Variants in IL5RA observed in about 807,000 individuals in gnomAD.
IL5RA encodes interleukin 5 receptor subunit alpha, also known as interleukin-5 receptor subunit alpha.
A neutral mutation model predicts 50.0 loss-of-function variants in IL5RA; 49 were observed. That is an observed-to-expected ratio of 0.98 (90% confidence interval 0.78 to 1.24). The LOEUF (loss-of-function observed/expected upper bound fraction) is 1.24, where lower values mean the gene tolerates loss of function less well. Among genes scored for constraint, IL5RA ranks in the 50% most tolerant of loss-of-function variants. IL5RA has a pLI of 0.00. For missense variants in IL5RA, 600 were observed against 500.4 expected (o/e 1.20, Z -1.90); for synonymous variants, 202 against 174.0 (o/e 1.16, Z -1.26).
chr3:3,105,799 C>A, intron 2 of IL5RA, among the ~76,000 whole-genome samples: 1 of 152,278 alleles, frequency 6.6e-6, no homozygotes, highest in East Asian at 1.9e-4. Context: ...TCTCGGCATC[C>A]TGTTCTACAT....
At chr3:3,085,509 G>C (rs147033170) in intron 9 of IL5RA, among the ~76,000 whole-genome samples, 2 of 152,316 alleles carry the variant, frequency 1.3e-5, no homozygotes, top group African/African-American at 4.8e-5. Flanking sequence ...GTGGGAGTCA[G>C]AGTGCAAGGA....
chr3:3,098,775 T>C (rs1703487315), intron 5 of IL5RA, among the ~76,000 whole-genome samples: 1 of 152,166 alleles, frequency 6.6e-6, no homozygotes, highest in Non-Finnish European at 1.5e-5. Flanking sequence ...ATTAGAATTA[T>C]AAAGTCCCCA....
intron 9 of IL5RA, among the ~76,000 whole-genome samples, chr3:3,088,913 A>G (rs1702980064): frequency 6.6e-6 from 1 of 152,192 alleles, no homozygotes; most frequent in South Asian, 2.1e-4. Context: ...CTTCCACCTT[A>G]GGCATTTGAC....
rs139530354 is a variant in IL5RA at position 3,092,253 on chromosome 3, C to A, written c.965G>T (p.Trp322Leu). Residue 322 changes from tryptophan to leucine, a missense_variant, in exon 9 of 12, where the codon TGG becomes TTG. Physicochemically the swap from Trp to Leu is moderately conservative, Grantham distance 61. Coordinates refer to ENST00000446632, the MANE Select transcript of IL5RA (RefSeq NM_175726.4). The surrounding 1 kb of genome is among the most constrained non-coding windows in gnomAD (Gnocchi z 4.2). ...VSSMCREAGL[W>L]SEWSQPIYVG... ...ATAAATAGGTTGGCTCCACTCACTC[C>A]AGAGCCCTGCCTCTCTGCACATGGA... The A allele has an allele frequency of 2.3e-5, 37 of 1,614,010 alleles. No homozygotes were observed. Among genetic ancestry groups the A allele is most frequent in the Non-Finnish European group, 2.9e-5 (34 of 1,180,036 alleles).
chr3:3,101,733 A>G lies in IL5RA; in HGVS notation c.326T>C (p.Leu109Pro), dbSNP rs768428609. Reference sequence around the variant, plus strand: ...TTCAGCAGAAGCCCAGCTGCTGGCCAGTAGTGAGTGGTCGTTCTGCAGGAT... The same window carrying G: ...TTCAGCAGAAGCCCAGCTGCTGGCCGGTAGTGAGTGGTCGTTCTGCAGGAT... ...RTILQNDHSLLASSWASAELH... is the reference protein window; with the variant it reads ...RTILQNDHSLPASSWASAELH... The change falls in exon 5 of 12, where the codon CTG becomes CCG. Residue 109 changes from leucine to proline, a missense_variant. Physicochemically the swap from Leu to Pro is moderately conservative, Grantham distance 98 (BLOSUM62 -3). Coordinates refer to ENST00000446632, the MANE Select transcript of IL5RA (RefSeq NM_175726.4). The G allele has an allele frequency of 2.7e-5, 44 of 1,614,102 alleles. No homozygotes were observed. The highest frequency in any genetic ancestry group is 3.7e-5 in the Non-Finnish European group (44 of 1,180,030).
intron 3 of IL5RA, among the ~76,000 whole-genome samples, chr3:3,104,178 T>C (rs1559880255): frequency 1.3e-5 from 2 of 152,198 alleles, no homozygotes; most frequent in Non-Finnish European, 2.9e-5. Context: ...TAGCTGAGAT[T>C]ACAGGCATGT....
intron 5 of IL5RA, 48 bp downstream of exon 5, chr3:3,101,644 T>C (rs760524246): frequency 3.8e-6 from 6 of 1,577,970 alleles, no homozygotes; most frequent in African/African-American, 2.7e-5. Context: ...TTTTCCATAT[T>C]TGCAAAGTCC....
rs79635367 is a variant in IL5RA at position 3,087,636 on chromosome 3, T to TGGGG, written c.994+4584_994+4587dup. 3.7e-3 allele frequency among the ~76,000 whole-genome samples: 557 copies of TGGGG among 151,124 alleles called. 2 individuals are homozygous for TGGGG. Among genetic ancestry groups the TGGGG allele is most frequent in the East Asian group, 0.014 (73 of 5,116 alleles). The stretch of plus-strand genomic sequence containing the variant: ...CCTCCATTTTCTTACATTAAAATAA[T>TGGGG]GGGGGGGAAATTAATAACTATGAAA... On this transcript the variant is annotated intron_variant, in intron 9 of 11. Transcript: ENST00000446632.
chr3:3,086,671 A>T (rs1702874718), intron 9 of IL5RA, among the ~76,000 whole-genome samples: 4 of 131,614 alleles, frequency 3.0e-5, no homozygotes, highest in Admixed American at 2.8e-4. Flanking sequence ...CTCATCTCTT[A>T]AAAAAAAATT....
intron 9 of IL5RA, among the ~76,000 whole-genome samples, chr3:3,077,796 G>A (rs1702538510): frequency 6.6e-6 from 1 of 152,070 alleles, no homozygotes; most frequent in Non-Finnish European, 1.5e-5. Flanking sequence ...AAAAAGAAAA[G>A]AAAAACTCAA....
intron 2 of IL5RA, among the ~76,000 whole-genome samples, chr3:3,108,235 C>T (rs1704022440): frequency 6.6e-6 from 1 of 152,188 alleles, no homozygotes; most frequent in African/African-American, 2.4e-5. Context: ...TATTGCATTA[C>T]CCCCCAATGA....
chr3:3,098,224 C>A lies in IL5RA; in HGVS notation c.434G>T (p.Arg145Leu). 9.3e-6 allele frequency: 15 copies of A among 1,613,964 alleles called. No individual in the cohort carries two copies. Among genetic ancestry groups the A allele is most frequent in the Non-Finnish European group, 1.3e-5 (15 of 1,179,910 alleles). ...TTNTTEDNYSRLRSYQVSLHC... is the reference protein window; with the variant it reads ...TTNTTEDNYSLLRSYQVSLHC... ...AAGGGAAACTTGGTATGACCTTAAA[C>A]GTGAATAATTGTCTTCTGTAGTGTT... Residue 145 changes from arginine to leucine, a missense_variant, in exon 6 of 12, where the codon CGT (arginine) becomes CTT (leucine). Physicochemically the swap from Arg to Leu is moderately radical, Grantham distance 102. Coordinates refer to ENST00000446632, the MANE Select transcript of IL5RA (RefSeq NM_175726.4).
intron 2 of IL5RA, chr3:3,105,545 A>T (rs1703869529): frequency 6.6e-6 from 1 of 152,218 alleles, no homozygotes; most frequent in Non-Finnish European, 1.5e-5. Context: ...GCCTAAGAGA[A>T]ACTTTGTATC....
Position 3,101,753 on chromosome 3 carries a change from C to T in IL5RA, c.306G>A (p.Leu102=), listed in dbSNP as rs1703663419. ...TGGCCAGTAGTGAGTGGTCGTTCTGCAGGATGGTCCGCACACTTGCTGAAA... is the reference window on the plus strand; with the variant it reads ...TGGCCAGTAGTGAGTGGTCGTTCTGTAGGATGGTCCGCACACTTGCTGAAA... ...KGFSASVRTI[L]QNDHSLLASS... The change falls in exon 5 of 12, where the codon CTG becomes CTA. Residue 102 remains leucine, a synonymous_variant. Transcript: ENST00000446632. 3.7e-6 allele frequency: 6 copies of T among 1,614,076 alleles called. No homozygotes were observed.
chr3:3,096,817 C>A (rs925691873), intron 7 of IL5RA, among the ~76,000 whole-genome samples: 3 of 152,184 alleles, frequency 2.0e-5, no homozygotes, highest in Non-Finnish European at 4.4e-5. Context: ...AGATATGTCA[C>A]AGCCAAATCA....
intron 9 of IL5RA, among the ~76,000 whole-genome samples, chr3:3,090,660 G>A (rs17878435): frequency 0.019 from 2,716 of 146,388 alleles, 55 homozygotes; most frequent in Middle Eastern, 0.087. Flanking sequence ...TCCGCCTCCC[G>A]GGTTCACGCC....
chr3:3,076,062 G>C (rs1453365978), intron 10 of IL5RA, among the ~76,000 whole-genome samples: 1 of 152,144 alleles, frequency 6.6e-6, no homozygotes, highest in Admixed American at 6.5e-5. Flanking sequence ...GCGATTTCTA[G>C]AATCCGTGTT....
chr3:3,095,444 T>C lies in IL5RA; in HGVS notation c.710A>G (p.Asp237Gly). ...FDQLFALHAIDQINPPLNVTA... is the reference protein window; with the variant it reads ...FDQLFALHAIGQINPPLNVTA... ...GACATTCAGTGGAGGATTTATTTGA[T>C]CTAAGTTAGGGAACGAAAGATCAGT... The change falls in exon 8 of 12, where the codon GAT becomes GGT. Residue 237 changes from aspartate (D) to glycine (G), a missense_variant and splice_region_variant. Physicochemically the swap from Asp to Gly is moderately conservative, Grantham distance 94 (BLOSUM62 -1). Coordinates refer to ENST00000446632, the MANE Select transcript of IL5RA (RefSeq NM_175726.4). The C allele has an allele frequency of 6.2e-7, 1 of 1,605,218 alleles. No homozygotes were observed. Among genetic ancestry groups the C allele is most frequent in the Non-Finnish European group, 8.5e-7 (1 of 1,177,912 alleles).
rs1559860574 is a variant in IL5RA, at chr3:3,074,861, T to C, written c.1097A>G (p.His366Arg). Residue 366 changes from histidine to arginine, a missense_variant, in exon 11 of 12, where the codon CAT becomes CGT. Physicochemically the swap from His to Arg is conservative, Grantham distance 29. Coordinates refer to ENST00000446632, the MANE Select transcript of IL5RA (RefSeq NM_175726.4). ...TGGTGGAAACAACTTGATCCATAAA[T>C]GACATCTGAAAACAGAGTAAAGAAG... ...LILSLICKICHLWIKLFPPIP... is the reference protein window; with the variant it reads ...LILSLICKICRLWIKLFPPIP... 3 of 1,598,736 alleles carry C rather than the reference T, an allele frequency of 1.9e-6. No individual in the cohort carries two copies. Among genetic ancestry groups the C allele is most frequent in the Non-Finnish European group, 2.6e-6 (3 of 1,166,130 alleles).
Sources: allele counts gnomAD v4.1 joint callset (sites outside exome capture counted in the v4.1 genomes callset), GRCh38; gene constraint gnomAD v4.1.1; non-coding constraint Gnocchi (gnomAD v3.1); transcripts MANE v1.5; gene names NCBI Gene and HGNC (gene_info 2026-07-23, HGNC 2026-07-21).